Variants in MYH13 observed in about 807,000 individuals in gnomAD.
The protein encoded by MYH13 is myosin-13.
A neutral mutation model predicts 232.1 loss-of-function variants in MYH13; 177 were observed. The ratio of observed to expected loss-of-function variants is 0.76; its 90% CI spans 0.67 to 0.86. The LOEUF is 0.86. Ranked by LOEUF, MYH13 falls within the 40% of genes least tolerant of loss-of-function variation. The pLI is 0.00. For missense variants in MYH13, 2,246 were observed against 2,405.9 expected (o/e 0.93, Z 1.39); for synonymous variants, 884 against 923.5 (o/e 0.96, Z 0.78).
intron 16 of MYH13, among the ~76,000 whole-genome samples, 171 bp downstream of exon 16, chr17:10,343,629 T>G (rs1469319784): frequency 6.6e-6 from 1 of 152,152 alleles, no homozygotes; most frequent in Non-Finnish European, 1.5e-5. Flanking sequence ...TAGAGCCCAG[T>G]CTCTTACAGA....
chr17:10,320,536 G>T, intron 24 of MYH13, 40 bp from the exon 25 acceptor site: 1 of 1,588,556 alleles, frequency 6.3e-7, no homozygotes, highest in Non-Finnish European at 8.6e-7. Flanking sequence ...CCCCTGCTGG[G>T]GAAGTGTTTG....
intron 7 of MYH13, among the ~76,000 whole-genome samples, chr17:10,358,749 C>T (rs2071768630): frequency 1.3e-5 from 2 of 151,970 alleles, no homozygotes; most frequent in Non-Finnish European, 2.9e-5. Context: ...GAGTGAGACC[C>T]TGTCTCTCCA....
intron 39 of MYH13, 109 bp downstream of exon 39, chr17:10,303,087 A>G: frequency 1.1e-6 from 1 of 887,654 alleles, no homozygotes; most frequent in Non-Finnish European, 1.8e-6. Flanking sequence ...TGCAAATACA[A>G]ACTCAGGCCT....
chr17:10,320,252 A>G lies in MYH13; in HGVS notation c.3258-9T>C. The stretch of plus-strand genomic sequence containing the variant: ...TGAGTTCAAACTCCTTCCTGCAAAT[A>G]GATTAAAAAAAAATAAAGAACATGA... On this transcript the variant is annotated splice_polypyrimidine_tract_variant and intron_variant, in intron 25 of 40. Coordinates refer to ENST00000252172, the MANE Select transcript of MYH13 (RefSeq NM_003802.3). 6.3e-7 allele frequency: 1 copy of G among 1,593,258 alleles called. No homozygotes were observed. The highest frequency in any genetic ancestry group is 8.5e-7 in the Non-Finnish European group (1 of 1,170,728).
intron 22 of MYH13, among the ~76,000 whole-genome samples, chr17:10,326,782 T>G (rs576534216): frequency 4.1e-4 from 61 of 150,314 alleles, no homozygotes; most frequent in Admixed American, 2.5e-3. Context: ...CAGCCTATAC[T>G]GCCCCATTTC....
At chr17:10,308,416 T>TAC (rs1906366401) in intron 35 of MYH13, among the ~76,000 whole-genome samples, 1 of 147,052 alleles carries the variant, frequency 6.8e-6, no homozygotes, top group Non-Finnish European at 1.5e-5. Context: ...TTTGACTATA[T>TAC]ATATATGTAT....
chr17:10,321,439 T>C, intron 24 of MYH13, 93 bp downstream of exon 24: 11 of 1,270,862 alleles, frequency 8.7e-6, no homozygotes, highest in Non-Finnish European at 1.1e-5. Flanking sequence ...TTCCAGAGTC[T>C]GACCTCTCAA....
Position 10,357,740 on chromosome 17 carries a change from T to C in MYH13, c.733A>G (p.Arg245Gly), listed in dbSNP as rs1384582173. The C allele has an allele frequency of 1.2e-6, 2 of 1,613,346 alleles. No individual in the cohort carries two copies. The highest frequency in any genetic ancestry group is 1.7e-6 in the Non-Finnish European group (2 of 1,179,524). Residue 245 changes from arginine to glycine, a missense_variant, in exon 8 of 41, where the codon AGA (arginine) becomes GGA (glycine). Coordinates refer to ENST00000252172, the MANE Select transcript of MYH13 (RefSeq NM_003802.3). ...AAAATTGGGCCGGATCTTACAAATC[T>C]TGAGGAGTTGTCATTCCTCACAGTC... ...AKTVRNDNSS[R>G]FGKFIRIHFG...
Position 10,372,878 on chromosome 17 carries a change from C to T in MYH13, c.-64+101G>A, listed in dbSNP as rs533368694. ...CAAGACCTTGCACTTAGTAGGCCCT[C>T]CGTAAAGGCTACTTTATTGTCTTCC... On this transcript the variant is annotated intron_variant, in intron 1 of 40. Coordinates refer to ENST00000252172, the MANE Select transcript of MYH13 (RefSeq NM_003802.3). 3.9e-5 allele frequency: 6 copies of T among 152,292 alleles called. No individual in the cohort carries two copies. The South Asian group carries it at 1.0e-3, about 26-fold the overall frequency. 9.4% of individuals were successfully genotyped at this position (152,292 alleles called of 1,614,324 possible). A position where few individuals can be genotyped will look rare whatever the true frequency, so the allele number is the denominator to read the frequency against.
chr17:10,353,651 G>A (rs1028354626), intron 11 of MYH13, among the ~76,000 whole-genome samples: 1 of 152,130 alleles, frequency 6.6e-6, no homozygotes, highest in African/African-American at 2.4e-5. Flanking sequence ...GATCACCAGA[G>A]ATCAGGAGTT....
Position 10,360,002 on chromosome 17 carries a change from A to G in MYH13, c.603T>C (p.Val201=). Reference sequence around the variant, plus strand: ...GTGTCTCCTTCTTCTTGTCCCCGGTAACTGCAATTGTTGCAAAATACTGGA... The same window carrying G: ...GTGTCTCCTTCTTCTTGTCCCCGGTGACTGCAATTGTTGCAAAATACTGGA... ...RVIQYFATIA[V]TGDKKKETQP... is the part of the protein sequence containing the mutation. Residue 201 remains valine (V), a synonymous_variant, in exon 7 of 41, where the codon GTT becomes GTC. Coordinates refer to ENST00000252172, the MANE Select transcript of MYH13 (RefSeq NM_003802.3). The G allele has an allele frequency of 6.2e-7, 1 of 1,614,066 alleles. No individual in the cohort carries two copies. The highest frequency in any genetic ancestry group is 8.5e-7 in the Non-Finnish European group (1 of 1,180,018).
In MYH13 at chr17:10,303,161, G is replaced by A. The variant is rs180735007; in HGVS notation, c.5667+35C>T. ...ACCCAGGATGCCCCAGGGACTGTCT[G>A]TCTGTGGGCACTGCCGGGGACCTCC... On this transcript the variant is annotated intron_variant, in intron 39 of 40. Transcript: ENST00000252172. 5 of 1,588,324 alleles carry A rather than the reference G, an allele frequency of 3.1e-6. No individual in the cohort carries two copies. The African/African-American group carries it at 6.7e-5, about 21-fold the overall frequency.
Position 10,307,001 on chromosome 17 carries a change from C to T in MYH13, c.5233G>A (p.Val1745Met), listed in dbSNP as rs1597882381. 18 of 1,614,052 alleles carry T rather than the reference C, an allele frequency of 1.1e-5. No homozygotes were observed. The highest frequency in any genetic ancestry group is 2.2e-5 in the East Asian group (1 of 44,890). The change falls in exon 36 of 41, where the codon GTG becomes ATG. Residue 1745 changes from valine (V) to methionine (M), a missense_variant. Val to Met is a conservative substitution (Grantham distance 21, BLOSUM62 1). Transcript: ENST00000252172. ...CTGGACTCCTGGATCGAGTTCTCCA[C>T]CTCTGCCTGGCACTGAGCTATGTCA... Reference protein sequence around the residue: ...EADIAQCQAEVENSIQESRNA... With the variant: ...EADIAQCQAEMENSIQESRNA...
intron 16 of MYH13, 66 bp downstream of exon 16, chr17:10,343,734 G>A: frequency 6.8e-7 from 1 of 1,462,954 alleles, no homozygotes; most frequent in Non-Finnish European, 9.1e-7. Flanking sequence ...TTCTTCACAA[G>A]CAGCTCTGGG....
chr17:10,363,842 A>G (rs2071812357), intron 3 of MYH13, among the ~76,000 whole-genome samples: 1 of 152,242 alleles, frequency 6.6e-6, no homozygotes, highest in African/African-American at 2.4e-5. Context: ...CATCTTTGGG[A>G]AACTTTGGGA....
chr17:10,362,729 C>T (rs1214362574), intron 3 of MYH13, among the ~76,000 whole-genome samples: 1 of 152,194 alleles, frequency 6.6e-6, no homozygotes, highest in African/African-American at 2.4e-5. Context: ...GCCCCTCAGT[C>T]ATCCTGCTGT....
chr17:10,301,197 AG>A, intron 40 of MYH13, among the ~76,000 whole-genome samples: 1 of 152,320 alleles, frequency 6.6e-6, no homozygotes, highest in Admixed American at 6.5e-5. Context: ...AGGGACAGAC[AG>A]GGATGACAGT....
In MYH13 at chr17:10,330,441, G is replaced by A. The variant is rs781028573; in HGVS notation, c.2381C>T (p.Ala794Val). ...KLVTLMTSTQ[A>V]VCRGYLMRVE... ...CCGCATCAGGTACCCCCTGCACACC[G>A]CCTGCGTGCTTGTCATCAGCGTCAC... is the stretch of plus-strand genomic sequence containing the variant. Residue 794 changes from alanine to valine, a missense_variant, in exon 21 of 41, where the codon GCG (alanine) becomes GTG (valine). Transcript: ENST00000252172. 30 of 1,613,236 alleles carry A rather than the reference G, an allele frequency of 1.9e-5. No individual in the cohort carries two copies. The highest frequency in any genetic ancestry group is 2.4e-5 in the Non-Finnish European group (28 of 1,179,764).
Position 10,309,254 on chromosome 17 carries a change from C to T in MYH13, c.5149G>A (p.Val1717Met). ...CGCACCTGGGAGTGCAGGAGCTGCA[C>T]GCGGTCGCTGGCGTCCAGCAGCTCC... ...EQELLDASDR[V>M]QLLHSQNTSL... The change falls in exon 35 of 41, where the codon GTG (valine) becomes ATG (methionine). Residue 1717 changes from valine (V) to methionine (M), a missense_variant. Physicochemically the swap from Val to Met is conservative, Grantham distance 21. Transcript: ENST00000252172. 1 of 1,613,420 alleles carries T rather than the reference C, an allele frequency of 6.2e-7. No individual in the cohort carries two copies. The highest frequency in any genetic ancestry group is 8.5e-7 in the Non-Finnish European group (1 of 1,179,794).
Sources: allele counts gnomAD v4.1 joint callset (sites outside exome capture counted in the v4.1 genomes callset), GRCh38; gene constraint gnomAD v4.1.1; transcripts MANE v1.5; gene names NCBI Gene and HGNC (gene_info 2026-07-23, HGNC 2026-07-21).